SNX29: variants seen among roughly 807,000 people sequenced by gnomAD.
SNX29 encodes the protein sorting nexin-29.
A neutral mutation model predicts 102.1 loss-of-function variants in SNX29; 78 were observed. That is an observed-to-expected ratio of 0.76 (90% CI 0.64 to 0.92). SNX29 has a LOEUF of 0.92. Ranked by LOEUF, SNX29 falls within the 40% of genes least tolerant of loss-of-function variation. The pLI is 0.00. For synonymous variants in SNX29, 580 were observed against 414.5 expected, an observed-to-expected ratio of 1.40 and a Z score of -4.85; for missense variants, 1,280 against 1,061.7, an observed-to-expected ratio of 1.21 and a Z score of -2.86.
At chr16:12,568,048 G>C (rs1290701133) in intron 20 of SNX29, among the ~76,000 whole-genome samples, 1 of 152,140 alleles carries the variant, frequency 6.6e-6, no homozygotes, top group Admixed American at 6.5e-5. Context: ...CCTAGGGCCT[G>C]ATTATTTTCT....
At chr16:12,374,795 A>G (rs2082814852) in intron 16 of SNX29, 1 of 152,116 alleles carries the variant, frequency 6.6e-6, no homozygotes, top group Admixed American at 6.5e-5. Flanking sequence ...GGACCTGGGC[A>G]CCTCTCACTG....
At chr16:12,194,878 C>T (rs1021903465) in intron 13 of SNX29, among the ~76,000 whole-genome samples, 6 of 152,112 alleles carry the variant, frequency 3.9e-5, no homozygotes, top group African/African-American at 1.2e-4. Flanking sequence ...CCACTCACCT[C>T]GGTCTCCCAA....
At chr16:12,006,914 C>T (rs939123379) in intron 3 of SNX29, among the ~76,000 whole-genome samples, 2 of 152,174 alleles carry the variant, frequency 1.3e-5, no homozygotes, top group African/African-American at 4.8e-5. Flanking sequence ...CCACACTGTG[C>T]CTGGGTTATC....
chr16:12,242,967 C>T (rs139187972), intron 14 of SNX29, among the ~76,000 whole-genome samples: 1 of 152,278 alleles, frequency 6.6e-6, no homozygotes, highest in African/African-American at 2.4e-5. Flanking sequence ...CCCCAAAACC[C>T]TACCGCATCT....
chr16:12,198,818 C>G (rs1352048460), intron 13 of SNX29, among the ~76,000 whole-genome samples: 1 of 152,240 alleles, frequency 6.6e-6, no homozygotes, highest in East Asian at 1.9e-4. Context: ...CTGAATGAAG[C>G]ATCTTTCCGC....
chr16:12,246,351 G>C (rs183168319), intron 14 of SNX29, among the ~76,000 whole-genome samples: 230 of 152,074 alleles, frequency 1.5e-3, no homozygotes, highest in African/African-American at 4.9e-3. Context: ...GAAAAAAAAA[G>C]AAACATTGGC....
rs546581988 is a variant in SNX29, at chr16:12,560,308, G to C, written c.2319-8198G>C. Among the ~76,000 whole-genome samples, 76 of 152,238 alleles carry C rather than the reference G, an allele frequency of 5.0e-4. 7 individuals carry two copies. The South Asian group carries it at 0.016, about 32-fold the overall frequency. Reference sequence around the variant, plus strand: ...GTGTTATTGAAAGCACACTCAAAATGTCATGAAAAAATAATGCTGGGTTTA... The same window carrying C: ...GTGTTATTGAAAGCACACTCAAAATCTCATGAAAAAATAATGCTGGGTTTA... On this transcript the variant is annotated intron_variant, in intron 20 of 20. Transcript: ENST00000566228.
chr16:12,126,667 C>T lies in SNX29; in HGVS notation c.1437C>T (p.Asn479=), dbSNP rs760162136. 1.9e-6 allele frequency: 3 copies of T among 1,613,986 alleles called. No individual in the cohort carries two copies. Among genetic ancestry groups the T allele is most frequent in the Non-Finnish European group, 2.5e-6 (3 of 1,179,890 alleles). The change falls in exon 12 of 21, where the codon AAC becomes AAT. Residue 479 remains asparagine (N), a synonymous_variant. Coordinates refer to ENST00000566228, the MANE Select transcript of SNX29 (RefSeq NM_032167.5). ...GCCAGGCCACTGTGGCCATGATGAA[C>T]AGGAAGGATGAGCTGGAGGAGGAGA... is the stretch of plus-strand genomic sequence containing the variant. The part of the protein sequence containing the change: ...ELRQATVAMM[N]RKDELEEENR...
chr16:12,092,886 T>G (rs1158662443), intron 11 of SNX29, among the ~76,000 whole-genome samples: 1 of 152,246 alleles, frequency 6.6e-6, no homozygotes, highest in African/African-American at 2.4e-5. Flanking sequence ...GAATGGCTTT[T>G]GGCTAGGCAA....
At chr16:12,181,886 T>C (rs538443707) in intron 13 of SNX29, among the ~76,000 whole-genome samples, 1 of 151,464 alleles carries the variant, frequency 6.6e-6, no homozygotes, top group Non-Finnish European at 1.5e-5. Flanking sequence ...CTTCTGCCTT[T>C]TTTTTTTTTT....
chr16:12,476,413 C>CAT (rs61390803), intron 18 of SNX29, among the ~76,000 whole-genome samples: 389 of 19,482 alleles, frequency 0.02, 9 homozygotes, highest in Non-Finnish European at 0.031. Flanking sequence ...TATATATATA[C>CAT]ATATATATAT....
chr16:12,060,351 G>A (rs950813166), intron 8 of SNX29, among the ~76,000 whole-genome samples: 1 of 152,142 alleles, frequency 6.6e-6, no homozygotes, highest in Non-Finnish European at 1.5e-5. Flanking sequence ...TAGCACTTGG[G>A]GAGGCTGAAG....
At chr16:12,403,614 G>C in intron 18 of SNX29, 85 bp downstream of exon 18, 2 of 1,306,376 alleles carry the variant, frequency 1.5e-6, no homozygotes, top group Non-Finnish European at 1.1e-6. Flanking sequence ...GCCTCTTGGT[G>C]GTGGGGCGCT....
intron 15 of SNX29, among the ~76,000 whole-genome samples, chr16:12,279,497 T>C (rs1274425153): frequency 6.6e-6 from 1 of 152,230 alleles, no homozygotes; most frequent in African/African-American, 2.4e-5. Context: ...CTGTGTGCTC[T>C]CTGCCCAGTG....
At chr16:12,532,318 C>A (rs530369647) in intron 20 of SNX29, among the ~76,000 whole-genome samples, 3 of 152,198 alleles carry the variant, frequency 2.0e-5, no homozygotes, top group Non-Finnish European at 2.9e-5. Flanking sequence ...GACTCTGTAG[C>A]GTCATGAGCC....
chr16:12,191,804 A>C (rs2076650011), intron 13 of SNX29, among the ~76,000 whole-genome samples: 1 of 152,192 alleles, frequency 6.6e-6, no homozygotes. Flanking sequence ...CAGGCGATTT[A>C]TGCCTCCCTT....
chr16:12,568,631 C>T lies in SNX29; in HGVS notation c.*2C>T, dbSNP rs987610626. On this transcript the variant is annotated 3_prime_UTR_variant, in exon 21 of 21. Coordinates refer to ENST00000566228, the MANE Select transcript of SNX29 (RefSeq NM_032167.5). ...GAGCCCCAGAGCGGTGACCTCTGACCTCGACAAAACCGCAGCCACGGGCCC... is the reference window on the plus strand; with the variant it reads ...GAGCCCCAGAGCGGTGACCTCTGACTTCGACAAAACCGCAGCCACGGGCCC... The T allele has an allele frequency of 1.2e-6, 2 of 1,602,354 alleles. No individual in the cohort carries two copies. Among genetic ancestry groups the T allele is most frequent in the Non-Finnish European group, 1.7e-6 (2 of 1,179,740 alleles).
At chr16:12,264,226 C>T (rs780929425) in intron 14 of SNX29, among the ~76,000 whole-genome samples, 10 of 152,200 alleles carry the variant, frequency 6.6e-5, no homozygotes, top group African/African-American at 1.9e-4. Context: ...TGACGTGCAT[C>T]GTTTTTTAGC....
chr16:12,059,971 C>T lies in SNX29; in HGVS notation c.1125-1557C>T, dbSNP rs138882246. On this transcript the variant is annotated intron_variant, in intron 8 of 20. Coordinates refer to ENST00000566228, the MANE Select transcript of SNX29 (RefSeq NM_032167.5). ...TGCCTCCCTTCCCTTTGTCTGCCCC[C>T]GCACTTCCCTTCTTAAGTAGGTATG... is the stretch of plus-strand genomic sequence containing the variant. Among the ~76,000 whole-genome samples the T allele has an allele frequency of 2.3e-4, 35 of 152,214 alleles. No individual in the cohort carries two copies. The East Asian group carries it at 3.5e-3, about 15-fold the overall frequency.
Sources: allele counts gnomAD v4.1 joint callset (sites outside exome capture counted in the v4.1 genomes callset), GRCh38; gene constraint gnomAD v4.1.1; transcripts MANE v1.5; gene names NCBI Gene and HGNC (gene_info 2026-07-23, HGNC 2026-07-21).